DSCAM: variants seen among roughly 807,000 people sequenced by gnomAD.
DSCAM encodes the protein cell adhesion molecule DSCAM.
Under a neutral mutation model 217.7 loss-of-function variants are expected in DSCAM, and 47 were observed. The ratio of observed to expected loss-of-function variants is 0.22; its 90% confidence interval spans 0.17 to 0.28. DSCAM has a LOEUF of 0.28. Ranked by LOEUF, DSCAM falls within the 10% of genes least tolerant of loss-of-function variation. DSCAM has a pLI of 1.00. For synonymous variants in DSCAM, 1,056 were observed against 1,015.3 expected, an observed-to-expected ratio of 1.04 and a Z score of -0.76; for missense variants, 2,080 against 2,618.3, an observed-to-expected ratio of 0.79 and a Z score of 4.49.
chr21:40,418,830 T>C (rs950882682), intron 3 of DSCAM, among the ~76,000 whole-genome samples: 2 of 151,976 alleles, frequency 1.3e-5, no homozygotes, highest in African/African-American at 4.8e-5. Context: ...ATACAAACTA[T>C]AAATGTTTCA....
intron 3 of DSCAM, among the ~76,000 whole-genome samples, chr21:40,628,078 C>T (rs984804583): frequency 1.3e-5 from 2 of 152,144 alleles, no homozygotes; most frequent in African/African-American, 2.4e-5. Flanking sequence ...AACCCCAGCA[C>T]AATGAAACCA....
intron 3 of DSCAM, among the ~76,000 whole-genome samples, chr21:40,662,409 T>C (rs550575084): frequency 3.5e-4 from 53 of 152,318 alleles, no homozygotes; most frequent in Middle Eastern, 6.8e-3. Context: ...TAAATTCAAG[T>C]GCAGACATAC....
At chr21:40,207,624 T>C (rs1169608661) in intron 11 of DSCAM, among the ~76,000 whole-genome samples, 2 of 152,210 alleles carry the variant, frequency 1.3e-5, no homozygotes, top group Non-Finnish European at 2.9e-5. Context: ...TACACATCTA[T>C]AAGTGGCATA....
rs188892783 is a variant in DSCAM at position 40,543,710 on chromosome 21, C to T, written c.508+149100G>A. Among the ~76,000 whole-genome samples, 57 of 152,228 alleles carry T rather than the reference C, an allele frequency of 3.7e-4. 1 individual carries two copies. The highest frequency in any genetic ancestry group is 3.3e-4 in the Admixed American group (5 of 15,298). On this transcript the variant is annotated intron_variant, in intron 3 of 32. Coordinates refer to ENST00000400454, the MANE Select transcript of DSCAM (RefSeq NM_001389.5). ...TCCACCTTTACCTCTAAAGGGATAT[C>T]AAATTAGTACTTCTCATGAGTCTCT...
chr21:40,811,532 T>C (rs890062398), intron 1 of DSCAM, among the ~76,000 whole-genome samples: 1 of 152,166 alleles, frequency 6.6e-6, no homozygotes, highest in African/African-American at 2.4e-5. Flanking sequence ...TGGGCGCACG[T>C]GGAGTCAGAT....
intron 11 of DSCAM, among the ~76,000 whole-genome samples, chr21:40,266,661 AT>A (rs1569031973): frequency 1.4e-4 from 17 of 123,554 alleles, no homozygotes; most frequent in African/African-American, 5.1e-4. Context: ...ATATATATAT[AT>A]ATATATATAA....
rs35254973 is a variant in DSCAM, at chr21:40,815,287, C to T, written c.43+31332G>A. 9.5e-3 allele frequency among the ~76,000 whole-genome samples: 1,439 copies of T among 152,134 alleles called. 12 individuals are homozygous for T. The highest frequency in any genetic ancestry group is 0.014 in the Non-Finnish European group (935 of 67,974). Reference sequence around the variant, plus strand: ...GACTGCCACGAGATAAGGCTATTTTCCCCCTAAACAAAGCTCATTTGTTTC... The same window carrying T: ...GACTGCCACGAGATAAGGCTATTTTTCCCCTAAACAAAGCTCATTTGTTTC... On this transcript the variant is annotated intron_variant, in intron 1 of 32. Coordinates refer to ENST00000400454, the MANE Select transcript of DSCAM (RefSeq NM_001389.5).
chr21:40,403,633 A>G lies in DSCAM; in HGVS notation c.509-34388T>C, dbSNP rs1032190336. ...CATGTATGCAAGCATGCATGTGCAC[A>G]CACACACACACACACACACACACAC... On this transcript the variant is annotated intron_variant, in intron 3 of 32. Transcript: ENST00000400454. Among the ~76,000 whole-genome samples the G allele has an allele frequency of 4.7e-4, 54 of 115,386 alleles. 1 individual carries two copies. The highest frequency in any genetic ancestry group is 9.9e-4 in the South Asian group (4 of 4,024). The allele number at this position is 115,386 out of a possible 152,430, so 75.7% of individuals were successfully genotyped here. A position where few individuals can be genotyped will look rare whatever the true frequency, so the allele number is the denominator to read the frequency against.
At chr21:40,292,916 T>G (rs543528135) in intron 10 of DSCAM, among the ~76,000 whole-genome samples, 1 of 152,220 alleles carries the variant, frequency 6.6e-6, no homozygotes, top group East Asian at 1.9e-4. Context: ...TTTTGCATTT[T>G]TAGTAGAGAC....
intron 3 of DSCAM, among the ~76,000 whole-genome samples, chr21:40,582,024 G>T (rs1019680611): frequency 1.3e-5 from 2 of 152,134 alleles, no homozygotes; most frequent in Non-Finnish European, 2.9e-5. Flanking sequence ...GTGAAATGTG[G>T]TTGAGTCACA....
rs114797593 is a variant in DSCAM at position 40,704,378 on chromosome 21, G to A, written c.361+4076C>T. On this transcript the variant is annotated intron_variant, in intron 2 of 32. Transcript: ENST00000400454. ...AGCTTGATAGCACATTTTTTCTATC[G>A]CTGACTAATACTTCATTTTATACTA... Among the ~76,000 whole-genome samples the A allele has an allele frequency of 6.3e-3, 955 of 152,034 alleles. 10 individuals carry two copies. The highest frequency in any genetic ancestry group is 0.022 in the African/African-American group (916 of 41,434).
At chr21:40,833,366 T>G (rs972351762) in intron 1 of DSCAM, among the ~76,000 whole-genome samples, 1 of 152,184 alleles carries the variant, frequency 6.6e-6, no homozygotes, top group Non-Finnish European at 1.5e-5. Context: ...TGCAGTGCTT[T>G]GAAAACAGAA....
At chr21:40,605,791 CTTTTT>C (rs755767800) in intron 3 of DSCAM, among the ~76,000 whole-genome samples, 684 of 61,942 alleles carry the variant, frequency 0.011, 5 homozygotes, top group African/African-American at 0.04. Context: ...AATGCACATT[CTTTTT>C]TTTTTTTTTT....
intron 1 of DSCAM, among the ~76,000 whole-genome samples, chr21:40,721,391 A>G (rs2090899810): frequency 6.6e-6 from 1 of 152,214 alleles, no homozygotes; most frequent in Non-Finnish European, 1.5e-5. Flanking sequence ...CATCACTCTT[A>G]TAAATATTCT....
chr21:40,816,215 A>G (rs1345446470), intron 1 of DSCAM, among the ~76,000 whole-genome samples: 1 of 152,250 alleles, frequency 6.6e-6, no homozygotes, highest in Non-Finnish European at 1.5e-5. Flanking sequence ...TTGAAGCTTG[A>G]GCAAAGGCTC....
At chr21:40,615,973 C>T (rs1407209958) in intron 3 of DSCAM, among the ~76,000 whole-genome samples, 1 of 151,912 alleles carries the variant, frequency 6.6e-6, no homozygotes, top group Non-Finnish European at 1.5e-5. Flanking sequence ...GAAATGATAA[C>T]GTTTTGAAAT....
chr21:40,608,759 A>C (rs2089275490), intron 3 of DSCAM, among the ~76,000 whole-genome samples: 1 of 152,188 alleles, frequency 6.6e-6, no homozygotes, highest in African/African-American at 2.4e-5. Flanking sequence ...ATAAATTCAC[A>C]TATTTAGAAA....
chr21:40,318,515 G>A (rs1387554746), intron 8 of DSCAM, among the ~76,000 whole-genome samples: 1 of 152,176 alleles, frequency 6.6e-6, no homozygotes, highest in African/African-American at 2.4e-5. Context: ...CAGTTGGGGA[G>A]CTTGAGTCAA....
At chr21:40,041,896 G>GT (rs35552226) in intron 32 of DSCAM, among the ~76,000 whole-genome samples, 1 of 152,262 alleles carries the variant, frequency 6.6e-6, no homozygotes, top group Admixed American at 6.5e-5. Context: ...TGGAATCAGG[G>GT]TTTCTTGGGC....
Sources: gnomAD v4.1 joint callset for allele counts (sites outside exome capture counted in the v4.1 genomes callset) on GRCh38, gnomAD v4.1.1 for gene constraint, MANE v1.5 for transcripts, NCBI Gene and HGNC (gene_info 2026-07-23, HGNC 2026-07-21) for gene names.